GLP1R: variants seen among roughly 807,000 people sequenced by gnomAD.
The protein encoded by GLP1R is glucagon like peptide 1 receptor.
Under a neutral mutation model 68.4 loss-of-function variants are expected in GLP1R, and 32 were observed. That is an observed-to-expected ratio of 0.47 (90% confidence interval 0.35 to 0.63). The LOEUF (loss-of-function observed/expected upper bound fraction) is 0.63. Ranked by LOEUF, GLP1R falls within the 20% of genes least tolerant of loss-of-function variation. The probability of loss-of-function intolerance (pLI) is 0.00; values close to 1 mark genes in which losing one functional copy is unlikely to be tolerated. For missense variants in GLP1R, 502 were observed against 594.9 expected, an observed-to-expected ratio of 0.84 and a Z score of 1.62; for synonymous variants, 263 against 244.4, an observed-to-expected ratio of 1.08 and a Z score of -0.71.
At chr6:39,073,349 C>T (rs1393383322) in intron 6 of GLP1R, among the ~76,000 whole-genome samples, 2 of 152,226 alleles carry the variant, frequency 1.3e-5, no homozygotes, top group African/African-American at 4.8e-5. Flanking sequence ...AAGTCACTTA[C>T]TTCTCTGAGG....
intron 1 of GLP1R, among the ~76,000 whole-genome samples, chr6:39,055,916 G>A (rs1216332509): frequency 6.6e-6 from 1 of 152,106 alleles, no homozygotes; most frequent in South Asian, 2.1e-4. Flanking sequence ...GCTTCCTGGG[G>A]GGGCTGTGCA....
chr6:39,074,869 G>T (rs951079034), intron 7 of GLP1R, among the ~76,000 whole-genome samples: 35 of 152,272 alleles, frequency 2.3e-4, no homozygotes, highest in African/African-American at 8.2e-4. Flanking sequence ...GCCCTCTCAA[G>T]CTCTCCATCC....
At chr6:39,060,162 G>C (rs912180491) in intron 3 of GLP1R, among the ~76,000 whole-genome samples, 1 of 152,182 alleles carries the variant, frequency 6.6e-6, no homozygotes, top group African/African-American at 2.4e-5. Flanking sequence ...CTTGGCAAAG[G>C]TTGGCAGCGG....
chr6:39,086,165 G>A lies in GLP1R; in HGVS notation c.*92G>A. On this transcript the variant is annotated 3_prime_UTR_variant, in exon 13 of 13. Transcript: ENST00000373256. The surrounding 1 kb of genome is among the most constrained non-coding windows in gnomAD (Gnocchi z 4.5). The stretch of plus-strand genomic sequence containing the variant: ...CACTCCCAGGGACAAGGGAAGGAAG[G>A]GACACACACACACACACACACACAC... 3 of 607,684 alleles carry A rather than the reference G, an allele frequency of 4.9e-6. No individual in the cohort carries two copies. The highest frequency in any genetic ancestry group is 1.8e-5 in the South Asian group (1 of 55,546). The allele number at this position is 607,684 out of a possible 1,614,324, so 37.6% of individuals were successfully genotyped here.
chr6:39,081,310 G>T (rs1769007471), intron 12 of GLP1R, among the ~76,000 whole-genome samples: 1 of 152,194 alleles, frequency 6.6e-6, no homozygotes, highest in Non-Finnish European at 1.5e-5. Flanking sequence ...GCATGGCAGA[G>T]CCAGGATTCA....
At chr6:39,060,110 C>T (rs900608480) in intron 3 of GLP1R, among the ~76,000 whole-genome samples, 4 of 152,212 alleles carry the variant, frequency 2.6e-5, no homozygotes, top group Non-Finnish European at 5.9e-5. Context: ...ACCACAGGCT[C>T]AAGCTGCGTA....
chr6:39,083,852 G>T (rs1028858734), intron 12 of GLP1R, among the ~76,000 whole-genome samples: 1 of 152,172 alleles, frequency 6.6e-6, no homozygotes, highest in African/African-American at 2.4e-5. Context: ...AGAATCTGTG[G>T]TGTTGTCTTT....
chr6:39,078,268 C>A, intron 7 of GLP1R, 54 bp from the exon 8 acceptor site: 1 of 1,308,876 alleles, frequency 7.6e-7, no homozygotes, highest in Non-Finnish European at 1.1e-6. Flanking sequence ...GGCATGTAGA[C>A]TGTGGCTCTG....
chr6:39,080,763 G>A lies in GLP1R; in HGVS notation c.1224+24G>A, dbSNP rs375833116. ...AGGTAAGCTCTGAGGAGGGACGGTG[G>A]GGACCCTGGTGGGTGGGTACCATCA... On this transcript the variant is annotated intron_variant, in intron 12 of 12. Transcript: ENST00000373256. 7 of 1,536,592 alleles carry A rather than the reference G, an allele frequency of 4.6e-6. No individual in the cohort carries two copies. In the African/African-American group the frequency reaches 8.3e-5, roughly 18 times the overall value.
In GLP1R at chr6:39,079,195, A is replaced by G. The variant is rs147399881; in HGVS notation, c.1038A>G (p.Lys346=). The change falls in exon 10 of 13, where the codon AAA becomes AAG. Residue 346 remains lysine, a synonymous_variant. Coordinates refer to ENST00000373256, the MANE Select transcript of GLP1R (RefSeq NM_002062.5). This position sits in a 1 kb window ranked among gnomAD's most constrained non-coding sequence, Gnocchi z 4.5. The part of the protein sequence containing the change: ...KANLMCKTDI[K]CRLAKSTLTL... ...ATCTCATGTGCAAGACAGACATCAA[A>G]TGCAGGTGATGTAACTGAGCTGGCT... is the stretch of plus-strand genomic sequence containing the variant. 6 of 1,604,142 alleles carry G rather than the reference A, an allele frequency of 3.7e-6. No individual in the cohort carries two copies. Among genetic ancestry groups the G allele is most frequent in the Admixed American group, 3.3e-5 (2 of 60,018 alleles).
intron 12 of GLP1R, among the ~76,000 whole-genome samples, chr6:39,084,097 G>A (rs1003764798): frequency 2.0e-5 from 3 of 152,080 alleles, no homozygotes; most frequent in African/African-American, 4.8e-5. Context: ...CAAGAGCCAC[G>A]CAGGCAGGAG....
chr6:39,052,290 A>G (rs189959260), intron 1 of GLP1R, among the ~76,000 whole-genome samples: 15 of 152,308 alleles, frequency 9.8e-5, no homozygotes, highest in African/African-American at 3.6e-4. Context: ...AAAGAAAAAC[A>G]AGGGGCGGTC....
rs1769242447 is a variant in GLP1R, at chr6:39,089,888, C to T, written c.*3815C>T. Among the ~76,000 whole-genome samples, 1 of 152,174 alleles carries T rather than the reference C, an allele frequency of 6.6e-6. No individual in the cohort carries two copies. ...GTTGAATTGATTCTAATCTACAGTG[C>T]TTACCCTGCTTTTGGCTCCTACGAG... On this transcript the variant is annotated 3_prime_UTR_variant, in exon 13 of 13. Transcript: ENST00000373256. This position sits in a 1 kb window ranked among gnomAD's most constrained non-coding sequence, Gnocchi z 4.1.
Position 39,079,528 on chromosome 6 carries a change from T to C in GLP1R, c.1044-36T>C. ...AGGGAAGAAGAGTCCATGGGAGAGG[T>C]CCAGAATGACTCGAGATCTCTGCCC... On this transcript the variant is annotated intron_variant, in intron 10 of 12. Coordinates refer to ENST00000373256, the MANE Select transcript of GLP1R (RefSeq NM_002062.5). This position sits in a 1 kb window ranked among gnomAD's most constrained non-coding sequence, Gnocchi z 4.5. The C allele has an allele frequency of 6.4e-7, 1 of 1,553,682 alleles. No homozygotes were observed. Among genetic ancestry groups the C allele is most frequent in the East Asian group, 2.3e-5 (1 of 44,198 alleles).
rs1246861857 is a variant in GLP1R, at chr6:39,079,834, C to T, written c.1182+132C>T. ...AGGGGTGATCCCTGCCCAAAGTCACCTAGTTGGAGCAGAGCCAGAACTAGT... is the reference window on the plus strand; with the variant it reads ...AGGGGTGATCCCTGCCCAAAGTCACTTAGTTGGAGCAGAGCCAGAACTAGT... On this transcript the variant is annotated intron_variant, in intron 11 of 12. Coordinates refer to ENST00000373256, the MANE Select transcript of GLP1R (RefSeq NM_002062.5). The surrounding 1 kb of genome is among the most constrained non-coding windows in gnomAD (Gnocchi z 4.5). The T allele has an allele frequency of 6.6e-6, 5 of 755,002 alleles. No homozygotes were observed. In the African/African-American group the frequency reaches 7.2e-5, roughly 11 times the overall value. The allele number at this position is 755,002 out of a possible 1,614,324, so 46.8% of individuals were successfully genotyped here. A position where few individuals can be genotyped will look rare whatever the true frequency, so the allele number is the denominator to read the frequency against.
chr6:39,051,863 C>CTG (rs776888346), intron 1 of GLP1R, among the ~76,000 whole-genome samples: 60 of 143,994 alleles, frequency 4.2e-4, no homozygotes, highest in Non-Finnish European at 7.0e-4. Flanking sequence ...GCATATGATA[C>CTG]TGTGTCTGTG....
At chr6:39,052,024 C>T (rs1378147979) in intron 1 of GLP1R, among the ~76,000 whole-genome samples, 2 of 151,588 alleles carry the variant, frequency 1.3e-5, no homozygotes, top group Non-Finnish European at 2.9e-5. Context: ...AGTGTCTCAG[C>T]ATGCGACTGT....
At chr6:39,062,005 A>C (rs1768368375) in intron 3 of GLP1R, among the ~76,000 whole-genome samples, 1 of 152,168 alleles carries the variant, frequency 6.6e-6, no homozygotes, top group Non-Finnish European at 1.5e-5. Context: ...CTGCATCTGT[A>C]AAATGGGGGC....
Position 39,088,514 on chromosome 6 carries a change from G to T in GLP1R, c.*2441G>T, listed in dbSNP as rs1365700943. 6.6e-5 allele frequency among the ~76,000 whole-genome samples: 10 copies of T among 152,344 alleles called. No individual in the cohort carries two copies. The highest frequency in any genetic ancestry group is 5.2e-4 in the Admixed American group (8 of 15,306). ...TGGGGTACTATTGCTGACCAGCAGGGTGTAGGCGCTGCTTTTGTTTGAGCT... is the reference window on the plus strand; with the variant it reads ...TGGGGTACTATTGCTGACCAGCAGGTTGTAGGCGCTGCTTTTGTTTGAGCT... On this transcript the variant is annotated 3_prime_UTR_variant, in exon 13 of 13. Coordinates refer to ENST00000373256, the MANE Select transcript of GLP1R (RefSeq NM_002062.5).
Sources: allele counts gnomAD v4.1 joint callset (sites outside exome capture counted in the v4.1 genomes callset), GRCh38; gene constraint gnomAD v4.1.1; non-coding constraint Gnocchi (gnomAD v3.1); transcripts MANE v1.5; gene names NCBI Gene and HGNC (gene_info 2026-07-23, HGNC 2026-07-21).